Variants in FOXN3 observed in about 807,000 individuals in gnomAD.
FOXN3 encodes forkhead box N3.
A neutral mutation model predicts 38.4 loss-of-function variants in FOXN3; 7 were observed. The ratio of observed to expected loss-of-function variants is 0.18; its 90% CI spans 0.10 to 0.34. The LOEUF is 0.34. FOXN3 is among the 10% of genes least tolerant of loss of function. FOXN3 has a pLI of 1.00. For synonymous variants in FOXN3, 230 were observed against 242.2 expected (o/e 0.95, Z 0.47); for missense variants, 456 against 613.4 (o/e 0.74, Z 2.71).
intron 1 of FOXN3, among the ~76,000 whole-genome samples, chr14:89,509,692 A>C (rs917383234): frequency 3.3e-5 from 5 of 152,234 alleles, no homozygotes; most frequent in African/African-American, 1.2e-4. Flanking sequence ...GGTCTGTCTC[A>C]TTCACTGCTG....
chr14:89,396,378 G>T (rs533082939), intron 2 of FOXN3, among the ~76,000 whole-genome samples: 1 of 152,282 alleles, frequency 6.6e-6, no homozygotes, highest in South Asian at 2.1e-4. Context: ...CAAGGCTTTC[G>T]GCACAGATCT....
intron 1 of FOXN3, among the ~76,000 whole-genome samples, chr14:89,501,903 C>G (rs765584946): frequency 6.6e-5 from 10 of 152,104 alleles, no homozygotes; most frequent in Non-Finnish European, 1.2e-4. Flanking sequence ...CGATGGCTCA[C>G]ACCTGTAATC....
chr14:89,230,377 C>T (rs1429290283), intron 4 of FOXN3, among the ~76,000 whole-genome samples: 3 of 152,210 alleles, frequency 2.0e-5, no homozygotes, highest in Non-Finnish European at 4.4e-5. Flanking sequence ...TGCTGAGCAT[C>T]TGCTCTGATG....
At chr14:89,474,844 C>T (rs1337037507) in intron 1 of FOXN3, among the ~76,000 whole-genome samples, 1 of 152,084 alleles carries the variant, frequency 6.6e-6, no homozygotes, top group Non-Finnish European at 1.5e-5. Context: ...GAGATGCCGT[C>T]TTGCTCTATC....
chr14:89,563,338 T>C (rs1895287017), intron 1 of FOXN3, among the ~76,000 whole-genome samples: 1 of 152,212 alleles, frequency 6.6e-6, no homozygotes, highest in Non-Finnish European at 1.5e-5. Context: ...TGATATTCTA[T>C]CTCATCTGAT....
chr14:89,413,891 C>A (rs1171754054), intron 1 of FOXN3, among the ~76,000 whole-genome samples: 2 of 116,540 alleles, frequency 1.7e-5, no homozygotes, highest in African/African-American at 6.7e-5. Flanking sequence ...CAGGGAAGGG[C>A]AGGGCAGGGC....
At chr14:89,255,475 C>T (rs11159894) in intron 4 of FOXN3, among the ~76,000 whole-genome samples, 41,247 of 151,818 alleles carry the variant, frequency 0.27, 6,618 homozygotes, top group Middle Eastern at 0.39. Flanking sequence ...CTAGGAATGG[C>T]GAGAACAATT....
chr14:89,291,176 T>C (rs1488085418), intron 3 of FOXN3: 3 of 477,032 alleles, frequency 6.3e-6, no homozygotes, highest in Middle Eastern at 3.8e-4. Flanking sequence ...GGGGCACAGT[T>C]ATGCAGCCAA....
intron 3 of FOXN3, among the ~76,000 whole-genome samples, chr14:89,310,371 G>A (rs980508723): frequency 1.4e-4 from 21 of 152,164 alleles, no homozygotes; most frequent in African/African-American, 4.6e-4. Flanking sequence ...TGGAGAGAGC[G>A]GCTCGGCTGA....
chr14:89,178,014 A>T (rs1596082377), intron 5 of FOXN3, among the ~76,000 whole-genome samples: 1 of 151,568 alleles, frequency 6.6e-6, no homozygotes. Context: ...TTTCTTTCTA[A>T]TCATTTTGAT....
chr14:89,505,137 G>C (rs79303261), intron 1 of FOXN3, among the ~76,000 whole-genome samples: 7,407 of 152,270 alleles, frequency 0.049, 581 homozygotes, highest in African/African-American at 0.16. Flanking sequence ...GCCTAAACTA[G>C]ATCAGAGATG....
intron 1 of FOXN3, among the ~76,000 whole-genome samples, chr14:89,427,691 A>C (rs1275172783): frequency 2.0e-5 from 3 of 152,046 alleles, no homozygotes; most frequent in African/African-American, 7.2e-5. Flanking sequence ...TAATCAACAA[A>C]GTATGGTGTA....
At chr14:89,378,023 G>T (rs1281179138) in intron 2 of FOXN3, among the ~76,000 whole-genome samples, 1 of 152,166 alleles carries the variant, frequency 6.6e-6, no homozygotes, top group East Asian at 1.9e-4. Context: ...CTTGATCTTG[G>T]ACTTCCAACA....
intron 1 of FOXN3, among the ~76,000 whole-genome samples, chr14:89,605,519 G>T (rs2139945517): frequency 6.6e-6 from 1 of 151,868 alleles, no homozygotes; most frequent in African/African-American, 2.4e-5. Flanking sequence ...AAAAAATGAA[G>T]AAATAAATTA....
At chr14:89,397,032 T>G (rs1217506567) in intron 2 of FOXN3, among the ~76,000 whole-genome samples, 2 of 152,054 alleles carry the variant, frequency 1.3e-5, no homozygotes, top group Non-Finnish European at 2.9e-5. Flanking sequence ...AGCCATGGAA[T>G]CAACCTAAGT....
intron 4 of FOXN3, among the ~76,000 whole-genome samples, chr14:89,249,600 T>C (rs1183342763): frequency 6.6e-6 from 1 of 152,196 alleles, no homozygotes; most frequent in Non-Finnish European, 1.5e-5. Flanking sequence ...TACTACACCA[T>C]TCATTTGGAA....
chr14:89,344,766 C>T lies in FOXN3; in HGVS notation c.680+5906G>A, dbSNP rs557924186. Among the ~76,000 whole-genome samples, 7 of 152,206 alleles carry T rather than the reference C, an allele frequency of 4.6e-5. No homozygotes were observed. In the South Asian group the frequency reaches 1.2e-3, roughly 27 times the overall value. ...AGAAAGGTTAGAAAAATAGAAATTT[C>T]CTAAAAAGTTGGTGGGAATGTGGAC... On this transcript the variant is annotated intron_variant, in intron 3 of 5. Transcript: ENST00000557258.
intron 1 of FOXN3, among the ~76,000 whole-genome samples, chr14:89,442,521 G>A (rs1420909202): frequency 6.6e-6 from 1 of 152,178 alleles, no homozygotes; most frequent in Non-Finnish European, 1.5e-5. Flanking sequence ...TTCTGAGCAA[G>A]CTAAACAGGC....
intron 4 of FOXN3, among the ~76,000 whole-genome samples, chr14:89,189,588 G>A (rs1297810968): frequency 6.6e-6 from 1 of 152,236 alleles, no homozygotes; most frequent in African/African-American, 2.4e-5. Context: ...TGGGATGTGG[G>A]CACTGGTACT....
Sources: allele counts gnomAD v4.1 joint callset (sites outside exome capture counted in the v4.1 genomes callset), GRCh38; gene constraint gnomAD v4.1.1; transcripts MANE v1.5; gene names NCBI Gene and HGNC (gene_info 2026-07-23, HGNC 2026-07-21).